CHRDL1: variants seen among roughly 807,000 people sequenced by gnomAD.
CHRDL1 encodes the protein chordin-like protein 1.
A neutral mutation model predicts 40.9 loss-of-function variants in CHRDL1; 19 were observed. The observed-to-expected ratio is 0.46, with a 90% CI of 0.32 to 0.68. CHRDL1 has a LOEUF of 0.68. CHRDL1 is among the 30% of genes least tolerant of loss of function. CHRDL1 has a pLI of 0.03. For missense variants in CHRDL1, 329 were observed against 352.1 expected (o/e 0.93, Z 0.53); for synonymous variants, 136 against 123.4 (o/e 1.10, Z -0.68).
At chrX:110,770,334 G>C (rs1044790967) in intron 2 of CHRDL1, among the ~76,000 whole-genome samples, 5 of 103,906 alleles carry the variant, frequency 4.8e-5, no homozygotes, top group African/African-American at 1.7e-4. Context: ...GTGGGTTGAA[G>C]AAGAAATCAA....
At chrX:110,743,724 C>T (rs1379953163) in intron 4 of CHRDL1, among the ~76,000 whole-genome samples, 1 of 111,887 alleles carries the variant, frequency 8.9e-6, no homozygotes, top group Admixed American at 9.5e-5. Flanking sequence ...AAAGCAAATA[C>T]AGGAAAGCAA....
At chrX:110,701,256 A>G (rs982058747) in intron 6 of CHRDL1, among the ~76,000 whole-genome samples, 17 of 111,419 alleles carry the variant, frequency 1.5e-4, no homozygotes, top group African/African-American at 5.6e-4. Flanking sequence ...ACAAACACAC[A>G]AGAGCTGTGG....
chrX:110,693,935 G>C (rs1229921068), intron 8 of CHRDL1, among the ~76,000 whole-genome samples: 1 of 111,401 alleles, frequency 9.0e-6, no homozygotes, highest in Non-Finnish European at 1.9e-5. Flanking sequence ...GAAAATACAA[G>C]AGGCTGTTTA....
intron 2 of CHRDL1, among the ~76,000 whole-genome samples, chrX:110,763,128 T>A (rs2089594238): frequency 9.0e-6 from 1 of 111,424 alleles, no homozygotes. Flanking sequence ...TTTTTAAATT[T>A]AATTTTATTT....
chrX:110,716,191 A>G (rs760898278), intron 6 of CHRDL1, among the ~76,000 whole-genome samples: 2 of 112,100 alleles, frequency 1.8e-5, no homozygotes, highest in South Asian at 3.8e-4. Context: ...AATGAGACCA[A>G]GTAATTTCCT....
At chrX:110,727,186 TA>T (rs1294827853) in intron 4 of CHRDL1, among the ~76,000 whole-genome samples, 2 of 111,906 alleles carry the variant, frequency 1.8e-5, no homozygotes, top group African/African-American at 6.5e-5. Flanking sequence ...GGTTAGATAC[TA>T]AAAAAGATTC....
intron 9 of CHRDL1, among the ~76,000 whole-genome samples, chrX:110,684,056 C>T (rs920675546): frequency 9.0e-6 from 1 of 111,328 alleles, no homozygotes; most frequent in Non-Finnish European, 1.9e-5. Context: ...GCCTTCCCTA[C>T]TGAGGTTAAT....
chrX:110,738,449 C>T (rs1158081124), intron 4 of CHRDL1, among the ~76,000 whole-genome samples: 2 of 111,596 alleles, frequency 1.8e-5, no homozygotes. Context: ...TAGAAAACAC[C>T]TGAACCGAGA....
chrX:110,747,681 C>T (rs1408027046), intron 4 of CHRDL1, among the ~76,000 whole-genome samples: 2 of 112,502 alleles, frequency 1.8e-5, no homozygotes, highest in Admixed American at 9.4e-5. Flanking sequence ...GCTTTCAAAG[C>T]AAACACCCAT....
At chrX:110,741,305 A>T (rs904760869) in intron 4 of CHRDL1, among the ~76,000 whole-genome samples, 4 of 111,906 alleles carry the variant, frequency 3.6e-5, no homozygotes, top group African/African-American at 1.3e-4. Flanking sequence ...CAGGATGGGT[A>T]TAGGATCTGA....
intron 2 of CHRDL1, among the ~76,000 whole-genome samples, chrX:110,765,332 G>T (rs2089640100): frequency 8.9e-6 from 1 of 111,964 alleles, no homozygotes; most frequent in African/African-American, 3.3e-5. Context: ...GACATTTATG[G>T]AAAATAGAAA....
intron 4 of CHRDL1, among the ~76,000 whole-genome samples, chrX:110,722,449 G>T (rs140105138): frequency 0.015 from 1,664 of 108,795 alleles, 19 homozygotes; most frequent in Non-Finnish European, 0.021. Context: ...AGCTTATGCC[G>T]CCTTTCCTCC....
intron 11 of CHRDL1, among the ~76,000 whole-genome samples, chrX:110,676,902 G>A (rs938478529): frequency 9.1e-5 from 10 of 110,296 alleles, no homozygotes; most frequent in African/African-American, 9.9e-5. Flanking sequence ...TTTCTCCTAC[G>A]TCCACATGCT....
At chrX:110,743,527 C>T (rs1462626744) in intron 4 of CHRDL1, among the ~76,000 whole-genome samples, 2 of 111,866 alleles carry the variant, frequency 1.8e-5, no homozygotes, top group African/African-American at 6.5e-5. Flanking sequence ...GCTATTTGCC[C>T]ATGAGGTATT....
intron 4 of CHRDL1, among the ~76,000 whole-genome samples, chrX:110,758,875 G>A (rs569518556): frequency 8.9e-6 from 1 of 112,019 alleles, no homozygotes; most frequent in Non-Finnish European, 1.9e-5. Context: ...AAAGGGAAAT[G>A]GAATCAACTT....
intron 2 of CHRDL1, among the ~76,000 whole-genome samples, chrX:110,776,950 C>A (rs1257632141): frequency 9.0e-6 from 1 of 111,100 alleles, no homozygotes; most frequent in Non-Finnish European, 1.9e-5. Flanking sequence ...ATTATAGTAT[C>A]AAAGAGAGCA....
intron 4 of CHRDL1, among the ~76,000 whole-genome samples, chrX:110,758,739 G>C (rs1227985877): frequency 8.9e-6 from 1 of 111,874 alleles, no homozygotes; most frequent in African/African-American, 3.2e-5. Context: ...TGACAATAAA[G>C]CTGCGGATGT....
At chrX:110,732,503 C>A (rs1182191305) in intron 4 of CHRDL1, among the ~76,000 whole-genome samples, 1 of 112,220 alleles carries the variant, frequency 8.9e-6, no homozygotes, top group African/African-American at 3.2e-5. Context: ...GCTGCTCCAG[C>A]TGGCGAGAAG....
At chrX:110,748,673 A>G (rs908606510) in intron 4 of CHRDL1, among the ~76,000 whole-genome samples, 2 of 112,423 alleles carry the variant, frequency 1.8e-5, no homozygotes, top group African/African-American at 6.5e-5. Context: ...CATTTGAAAA[A>G]GAGACACACT....
Sources: gnomAD v4.1 joint callset for allele counts (sites outside exome capture counted in the v4.1 genomes callset) on GRCh38, gnomAD v4.1.1 for gene constraint, MANE v1.5 for transcripts, NCBI Gene and HGNC (gene_info 2026-07-23, HGNC 2026-07-21) for gene names.